The following ACAP2 variants were observed in gnomAD, a reference collection of about 807,000 sequenced individuals.
The protein encoded by ACAP2 is arf-GAP with coiled-coil, ANK repeat and PH domain-containing protein 2.
ACAP2 carries 39 observed loss-of-function variants against 115.8 expected under a neutral mutation model. The observed-to-expected ratio is 0.34, with a 90% confidence interval of 0.26 to 0.44. The LOEUF (loss-of-function observed/expected upper bound fraction) is 0.44. Ranked by LOEUF, ACAP2 falls within the 20% of genes least tolerant of loss-of-function variation. ACAP2 has a pLI of 1.00. For missense variants in ACAP2, 662 were observed against 927.6 expected (o/e 0.71, Z 3.72); for synonymous variants, 289 against 315.8 (o/e 0.92, Z 0.90).
intron 10 of ACAP2, among the ~76,000 whole-genome samples, chr3:195,314,256 AAAG>A (rs1347803544): frequency 6.6e-6 from 1 of 150,404 alleles, no homozygotes; most frequent in African/African-American, 2.5e-5. Context: ...TTTATGGGAG[AAAG>A]AAGATTTTTT....
intron 1 of ACAP2, among the ~76,000 whole-genome samples, chr3:195,438,161 G>A (rs1027270505): frequency 1.3e-5 from 2 of 151,410 alleles, no homozygotes; most frequent in African/African-American, 2.4e-5. Context: ...GAGTAGCTGG[G>A]ATTACAGGTG....
intron 2 of ACAP2, among the ~76,000 whole-genome samples, chr3:195,385,608 CAGA>C (rs1253928705): frequency 3.3e-5 from 5 of 151,774 alleles, no homozygotes; most frequent in East Asian, 1.9e-4. Context: ...TCCCACCAAG[CAGA>C]AGAAGAGACA....
chr3:195,291,821 AGG>A lies in ACAP2; in HGVS notation c.1954-8_1954-7del, dbSNP rs1419170528. On this transcript the variant is annotated splice_polypyrimidine_tract_variant and splice_region_variant and intron_variant, in intron 19 of 22. Coordinates refer to ENST00000326793, the MANE Select transcript of ACAP2 (RefSeq NM_012287.6). ...TCACACGTCACCAAAGAGCCCTTAA[AGG>A]AAAAAAGAGGATAACTATAGACAAA... 6.9e-6 allele frequency: 11 copies of A among 1,601,924 alleles called. No homozygotes were observed. Among genetic ancestry groups the A allele is most frequent in the Admixed American group, 5.2e-5 (3 of 57,594 alleles).
intron 21 of ACAP2, among the ~76,000 whole-genome samples, chr3:195,288,604 T>C (rs1414300255): frequency 1.3e-5 from 2 of 152,202 alleles, no homozygotes; most frequent in Non-Finnish European, 2.9e-5. Flanking sequence ...ACACCTGTAA[T>C]CCCAGCACTT....
intron 22 of ACAP2, among the ~76,000 whole-genome samples, chr3:195,285,101 C>T (rs182145601): frequency 6.6e-6 from 1 of 152,334 alleles, no homozygotes; most frequent in African/African-American, 2.4e-5. Context: ...TTCCGCTTAT[C>T]TAAGAGATAA....
intron 4 of ACAP2, among the ~76,000 whole-genome samples, chr3:195,346,543 G>C (rs1053870065): frequency 6.6e-6 from 1 of 152,098 alleles, no homozygotes; most frequent in Non-Finnish European, 1.5e-5. Context: ...CTCAATCAAG[G>C]CTCAGTCAAG....
chr3:195,377,404 C>CA (rs1453225618), intron 4 of ACAP2, among the ~76,000 whole-genome samples: 1 of 151,872 alleles, frequency 6.6e-6, no homozygotes, highest in African/African-American at 2.4e-5. Context: ...CTCAGCCTCC[C>CA]AAAGTGCTGA....
intron 10 of ACAP2, among the ~76,000 whole-genome samples, chr3:195,310,521 A>C (rs1365446767): frequency 6.6e-6 from 1 of 152,254 alleles, no homozygotes; most frequent in African/African-American, 2.4e-5. Flanking sequence ...AAGTAGGGTG[A>C]ACTGTAGTCA....
intron 17 of ACAP2, chr3:195,295,126 T>C: frequency 1.2e-6 from 1 of 851,220 alleles, no homozygotes; most frequent in Non-Finnish European, 1.7e-6. Flanking sequence ...GGGTAACATC[T>C]AGAGAAATGG....
intron 7 of ACAP2, among the ~76,000 whole-genome samples, chr3:195,334,046 C>T (rs1730343220): frequency 6.6e-6 from 1 of 151,774 alleles, no homozygotes; most frequent in Admixed American, 6.6e-5. Context: ...GAAAAATCAC[C>T]CTCATTTTAA....
At chr3:195,440,720 T>C (rs1392655601) in intron 1 of ACAP2, among the ~76,000 whole-genome samples, 1 of 152,214 alleles carries the variant, frequency 6.6e-6, no homozygotes, top group Non-Finnish European at 1.5e-5. Flanking sequence ...TCAAATGCTA[T>C]ACAGATCCTC....
Position 195,295,735 on chromosome 3 carries a change from G to A in ACAP2, c.1645C>T (p.Gln549Ter). 2 of 1,614,024 alleles carry A rather than the reference G, an allele frequency of 1.2e-6. No individual in the cohort carries two copies. The highest frequency in any genetic ancestry group is 1.3e-5 in the African/African-American group (1 of 75,008). ...LSISKFGPGD[Q>*]VRASAQSSVR... ...GAACTTTGGGCAGATGCTCTGACTTGGTCCCCTGGCCCAAATTTAGAAATG... is the reference window on the plus strand; with the variant it reads ...GAACTTTGGGCAGATGCTCTGACTTAGTCCCCTGGCCCAAATTTAGAAATG... The change falls in exon 17 of 23, where the codon CAA (glutamine) becomes TAA (stop). Residue 549 changes from glutamine to a stop codon, truncating the protein, a stop_gained. Transcript: ENST00000326793. LOFTEE classifies it high-confidence loss of function.
intron 4 of ACAP2, among the ~76,000 whole-genome samples, chr3:195,350,588 G>A (rs1731493119): frequency 1.3e-5 from 2 of 151,284 alleles, no homozygotes; most frequent in Admixed American, 1.3e-4. Context: ...GGTGGAGGCT[G>A]CAGTGAGTCA....
chr3:195,372,735 G>A (rs1446658514), intron 4 of ACAP2, among the ~76,000 whole-genome samples: 1 of 152,008 alleles, frequency 6.6e-6, no homozygotes, highest in African/African-American at 2.4e-5. Flanking sequence ...GATCACTTGA[G>A]CCCAGGAGAT....
At chr3:195,440,933 G>A (rs1052068337) in intron 1 of ACAP2, among the ~76,000 whole-genome samples, 1 of 151,966 alleles carries the variant, frequency 6.6e-6, no homozygotes, top group Non-Finnish European at 1.5e-5. Flanking sequence ...CTGAAAACCT[G>A]TAATATTTTA....
chr3:195,426,978 C>T (rs1332012387), intron 1 of ACAP2, among the ~76,000 whole-genome samples: 4 of 151,986 alleles, frequency 2.6e-5, no homozygotes, highest in Non-Finnish European at 4.4e-5. Context: ...CCTCAGAACC[C>T]GCAAATACGT....
chr3:195,339,867 T>C lies in ACAP2; in HGVS notation c.528+2604A>G, dbSNP rs201798722. Among the ~76,000 whole-genome samples, 19 of 152,244 alleles carry C rather than the reference T, an allele frequency of 1.2e-4. No individual in the cohort carries two copies. The East Asian group carries it at 2.1e-3, about 17-fold the overall frequency. On this transcript the variant is annotated intron_variant, in intron 6 of 22. Coordinates refer to ENST00000326793, the MANE Select transcript of ACAP2 (RefSeq NM_012287.6). ...ACTCTCTCAAAAAACATTTACTACA[T>C]ATCTATTTTCTAACCACTGGACTAG...
intron 4 of ACAP2, among the ~76,000 whole-genome samples, chr3:195,363,610 T>C (rs1186684174): frequency 1.4e-5 from 2 of 146,696 alleles, no homozygotes; most frequent in Non-Finnish European, 3.0e-5. Flanking sequence ...TAAAAATTTA[T>C]ATGAAACCAC....
In ACAP2 at chr3:195,409,850, T is replaced by G. The variant is rs143852026; in HGVS notation, c.54-17703A>C. Among the ~76,000 whole-genome samples the G allele has an allele frequency of 8.3e-3, 930 of 112,200 alleles. 11 individuals are homozygous for G. The highest frequency in any genetic ancestry group is 0.03 in the African/African-American group (873 of 28,992). 73.6% of individuals were successfully genotyped at this position (112,200 alleles called of 152,430 possible). ...AAGATTGCGCCACTGCACTCCAGCC[T>G]GGGTAACAGAGTGAGTGAGACTCCA... On this transcript the variant is annotated intron_variant, in intron 1 of 22. Transcript: ENST00000326793.
Sources: gnomAD v4.1 joint callset for allele counts (sites outside exome capture counted in the v4.1 genomes callset) on GRCh38, gnomAD v4.1.1 for gene constraint, MANE v1.5 for transcripts, NCBI Gene and HGNC (gene_info 2026-07-23, HGNC 2026-07-21) for gene names.